The following IMMP2L variants were observed in gnomAD, a reference collection of about 807,000 sequenced individuals.
IMMP2L encodes the protein inner mitochondrial membrane peptidase subunit 2.
Under a neutral mutation model 19.3 loss-of-function variants are expected in IMMP2L, and 18 were observed. The observed-to-expected ratio is 0.93, with a 90% CI of 0.64 to 1.38. IMMP2L has a LOEUF of 1.38. Among genes scored for constraint, IMMP2L ranks in the 40% most tolerant of loss-of-function variants. The probability of loss-of-function intolerance (pLI) is 0.00; values close to 1 mark genes in which losing one functional copy is unlikely to be tolerated. For missense variants in IMMP2L, 233 were observed against 218.2 expected, an observed-to-expected ratio of 1.07 and a Z score of -0.43; for synonymous variants, 76 against 73.0, an observed-to-expected ratio of 1.04 and a Z score of -0.21.
At chr7:110,717,863 G>C (rs546704209) in intron 5 of IMMP2L, among the ~76,000 whole-genome samples, 13 of 152,168 alleles carry the variant, frequency 8.5e-5, no homozygotes, top group Non-Finnish European at 1.5e-4. Context: ...CTGTCAAAGA[G>C]CAGGAATTAT....
intron 5 of IMMP2L, among the ~76,000 whole-genome samples, chr7:110,840,491 T>C (rs1307346373): frequency 1.3e-5 from 2 of 152,130 alleles, no homozygotes; most frequent in Non-Finnish European, 2.9e-5. Context: ...ACCGATATCA[T>C]TGGTTAATGT....
At chr7:111,098,785 AGG>A in intron 3 of IMMP2L, among the ~76,000 whole-genome samples, 1 of 151,780 alleles carries the variant, frequency 6.6e-6, no homozygotes, top group Non-Finnish European at 1.5e-5. Context: ...GAACACGAAA[AGG>A]AACCTAGGTT....
intron 3 of IMMP2L, among the ~76,000 whole-genome samples, chr7:111,229,134 G>A (rs577893625): frequency 1.1e-4 from 16 of 151,752 alleles, no homozygotes; most frequent in Non-Finnish European, 4.4e-5. Flanking sequence ...AGTTCTACGC[G>A]GTTGCCTTTA....
At chr7:110,773,785 G>A (rs1230660112) in intron 5 of IMMP2L, among the ~76,000 whole-genome samples, 1 of 151,216 alleles carries the variant, frequency 6.6e-6, no homozygotes, top group African/African-American at 2.4e-5. Flanking sequence ...ATCTGTCCAG[G>A]AGGGCAATTA....
chr7:111,303,213 T>C (rs1822457185), intron 3 of IMMP2L, among the ~76,000 whole-genome samples: 1 of 152,120 alleles, frequency 6.6e-6, no homozygotes, highest in African/African-American at 2.4e-5. Flanking sequence ...AAGTGAGCTA[T>C]AGAAATCTGA....
rs1312147341 is a variant in IMMP2L, at chr7:111,336,145, G to C, written c.239+151093C>G. Among the ~76,000 whole-genome samples, 15 of 151,920 alleles carry C rather than the reference G, an allele frequency of 9.9e-5. 1 individual carries two copies. Among genetic ancestry groups the C allele is most frequent in the Non-Finnish European group, 1.6e-4 (11 of 67,968 alleles). The stretch of plus-strand genomic sequence containing the variant: ...GCTCACTGCAGCCTCAAACTCCCAG[G>C]AAGAAATCCTCCTGCCTCAGCCCCC... On this transcript the variant is annotated intron_variant, in intron 3 of 5. Coordinates refer to ENST00000405709, the MANE Select transcript of IMMP2L (RefSeq NM_032549.4).
intron 5 of IMMP2L, among the ~76,000 whole-genome samples, chr7:110,838,422 T>C (rs755026155): frequency 5.9e-5 from 9 of 152,118 alleles, no homozygotes; most frequent in Admixed American, 1.3e-4. Flanking sequence ...TTCCCCGAAT[T>C]TCATGTGTTA....
chr7:110,772,598 T>G (rs1452969070), intron 5 of IMMP2L, among the ~76,000 whole-genome samples: 1 of 152,146 alleles, frequency 6.6e-6, no homozygotes, highest in Admixed American at 6.5e-5. Flanking sequence ...TTGAAGGGAA[T>G]GATGCTTCTC....
At chr7:111,002,679 T>C (rs942697891) in intron 3 of IMMP2L, among the ~76,000 whole-genome samples, 5 of 152,196 alleles carry the variant, frequency 3.3e-5, no homozygotes, top group African/African-American at 1.2e-4. Flanking sequence ...ACCAACTTAT[T>C]TGAAATGTTT....
At chr7:111,396,598 A>G (rs534230472) in intron 3 of IMMP2L, among the ~76,000 whole-genome samples, 6 of 152,226 alleles carry the variant, frequency 3.9e-5, no homozygotes, top group Admixed American at 6.5e-5. Context: ...GCAAACCACC[A>G]TGGCACATGT....
At chr7:111,477,943 G>C (rs533373143) in intron 3 of IMMP2L, among the ~76,000 whole-genome samples, 1 of 152,004 alleles carries the variant, frequency 6.6e-6, no homozygotes, top group Admixed American at 6.6e-5. Context: ...TCAGTGGTTT[G>C]ACTGCCATGT....
intron 3 of IMMP2L, among the ~76,000 whole-genome samples, chr7:111,150,100 C>T (rs1273685228): frequency 1.3e-5 from 2 of 152,038 alleles, no homozygotes; most frequent in African/African-American, 2.4e-5. Flanking sequence ...TGCAAGAAAA[C>T]GTAAAATCTC....
Position 111,487,355 on chromosome 7 carries a change from A to C in IMMP2L, c.136-14T>G. 7.2e-7 allele frequency: 1 copy of C among 1,392,794 alleles called. No homozygotes were observed. Among genetic ancestry groups the C allele is most frequent in the Non-Finnish European group, 1.0e-6 (1 of 978,596 alleles). The allele number at this position is 1,392,794 out of a possible 1,614,324, so 86.3% of individuals were successfully genotyped here. A position where few individuals can be genotyped will look rare whatever the true frequency, so the allele number is the denominator to read the frequency against. On this transcript the variant is annotated splice_polypyrimidine_tract_variant and intron_variant, in intron 2 of 5. Coordinates refer to ENST00000405709, the MANE Select transcript of IMMP2L (RefSeq NM_032549.4). ...ATTCAAAGAAGGCTAGAAAATAAGG[A>C]GAAAGAGACACTTCTATCATTTGTA...
chr7:111,513,943 A>C (rs1179459168), intron 2 of IMMP2L, among the ~76,000 whole-genome samples: 1 of 152,078 alleles, frequency 6.6e-6, no homozygotes, highest in East Asian at 1.9e-4. Context: ...CAGAAAGACA[A>C]ATACTGCATG....
At chr7:110,739,021 C>T (rs182967529) in intron 5 of IMMP2L, among the ~76,000 whole-genome samples, 20 of 152,236 alleles carry the variant, frequency 1.3e-4, no homozygotes, top group East Asian at 3.9e-4. Flanking sequence ...TGAGAGAATT[C>T]GCCACTACCA....
intron 3 of IMMP2L, among the ~76,000 whole-genome samples, chr7:111,401,700 G>T (rs1304887059): frequency 6.6e-6 from 1 of 152,074 alleles, no homozygotes; most frequent in African/African-American, 2.4e-5. Flanking sequence ...TGTTAAGCAA[G>T]TCATGGTCAT....
At chr7:111,546,751 T>C (rs1018557095) in intron 1 of IMMP2L, among the ~76,000 whole-genome samples, 2 of 152,140 alleles carry the variant, frequency 1.3e-5, no homozygotes, top group African/African-American at 2.4e-5. Context: ...AAAAATTATT[T>C]AGTGAGAGCC....
chr7:110,703,221 T>C (rs1286278075), intron 5 of IMMP2L, among the ~76,000 whole-genome samples: 1 of 152,176 alleles, frequency 6.6e-6, no homozygotes, highest in Non-Finnish European at 1.5e-5. Context: ...TCTCATTATG[T>C]TAATATAAGT....
chr7:111,301,921 T>TA (rs59156229), intron 3 of IMMP2L, among the ~76,000 whole-genome samples: 3,193 of 83,016 alleles, frequency 0.038, 104 homozygotes, highest in African/African-American at 0.062. Flanking sequence ...TTTCATGCTT[T>TA]AAAAAAAAAA....
Sources: allele counts gnomAD v4.1 joint callset (sites outside exome capture counted in the v4.1 genomes callset), GRCh38; gene constraint gnomAD v4.1.1; transcripts MANE v1.5; gene names NCBI Gene and HGNC (gene_info 2026-07-23, HGNC 2026-07-21).